COPS3: variants seen among roughly 807,000 people sequenced by gnomAD.
The protein encoded by COPS3 is COP9 signalosome complex subunit 3.
COPS3 carries 10 observed loss-of-function variants against 58.2 expected under a neutral mutation model. That is an observed-to-expected ratio of 0.17 (90% CI 0.11 to 0.29). The LOEUF is 0.29. Among genes scored for constraint, COPS3 ranks in the 10% least tolerant of loss-of-function variants. The probability of loss-of-function intolerance (pLI) is 1.00; values close to 1 mark genes in which losing one functional copy is unlikely to be tolerated. For synonymous variants in COPS3, 187 were observed against 181.7 expected (o/e 1.03, Z -0.24); for missense variants, 333 against 510.1 (o/e 0.65, Z 3.34).
chr17:17,275,252 G>A (rs1333447338), intron 2 of COPS3, among the ~76,000 whole-genome samples: 2 of 151,848 alleles, frequency 1.3e-5, no homozygotes, highest in East Asian at 1.9e-4. Context: ...CAACACACCC[G>A]GCTAGTTTTT....
intron 4 of COPS3, among the ~76,000 whole-genome samples, chr17:17,268,981 T>C (rs770834868): frequency 1.4e-4 from 21 of 152,172 alleles, no homozygotes; most frequent in Non-Finnish European, 7.3e-5. Flanking sequence ...CAACTGGTTC[T>C]ATTTTCAGCC....
intron 8 of COPS3, among the ~76,000 whole-genome samples, chr17:17,259,405 T>C (rs1204503649): frequency 1.3e-5 from 2 of 152,232 alleles, no homozygotes; most frequent in African/African-American, 4.8e-5. Flanking sequence ...GTTTGAACGT[T>C]TGACATTAAG....
chr17:17,265,773 C>T (rs1025660491), intron 5 of COPS3, among the ~76,000 whole-genome samples: 5 of 152,164 alleles, frequency 3.3e-5, no homozygotes, highest in African/African-American at 1.2e-4. Context: ...GAGAACTCTA[C>T]AGACAAGACT....
At chr17:17,278,076 G>A (rs540501509) in intron 1 of COPS3, among the ~76,000 whole-genome samples, 16 of 152,216 alleles carry the variant, frequency 1.1e-4, no homozygotes, top group African/African-American at 3.1e-4. Flanking sequence ...CCTTGAACCC[G>A]GGAGATGGAG....
chr17:17,276,278 T>C (rs914766358), intron 1 of COPS3, 114 bp from the exon 2 acceptor site: 1 of 1,362,652 alleles, frequency 7.3e-7, no homozygotes, highest in Non-Finnish European at 1.0e-6. Context: ...TGATTCTTAA[T>C]CTCCTTCACT....
chr17:17,250,207 C>G (rs144648599), intron 9 of COPS3, among the ~76,000 whole-genome samples: 20 of 151,518 alleles, frequency 1.3e-4, no homozygotes, highest in African/African-American at 4.6e-4. Flanking sequence ...TTTGAGGTGC[C>G]CTTGCATTTT....
Position 17,281,163 on chromosome 17 carries a change from G to A in COPS3, c.24C>T (p.Phe8=), listed in dbSNP as rs1182501931. MASALEQ[F]VNSVRQLSAQ... ...CTGAGAGCTGTCGGACACTGTTCAC[G>A]AACTGCTCCAGGGCAGACGCCATGT... Residue 8 remains phenylalanine, a synonymous_variant, in exon 1 of 12, where the codon TTC becomes TTT. Coordinates refer to ENST00000268717, the MANE Select transcript of COPS3 (RefSeq NM_003653.4). 3.1e-6 allele frequency: 5 copies of A among 1,611,596 alleles called. No homozygotes were observed. The highest frequency in any genetic ancestry group is 1.3e-5 in the African/African-American group (1 of 74,904).
At position 17,279,513 on chromosome 17, in the gene COPS3, A is replaced by G. The variant is rs576130008; in HGVS notation, c.55+1619T>C. 7.2e-5 allele frequency among the ~76,000 whole-genome samples: 11 copies of G among 152,306 alleles called. No individual in the cohort carries two copies. The South Asian group carries it at 2.1e-3, about 29-fold the overall frequency. On this transcript the variant is annotated intron_variant, in intron 1 of 11. Coordinates refer to ENST00000268717, the MANE Select transcript of COPS3 (RefSeq NM_003653.4). ...TGCCTTCCCTGTGAACCTCATTTCT[A>G]TTAATAAAAAGGAAAAAGAGGAAGA...
intron 1 of COPS3, chr17:17,280,902 G>T (rs1293131960): frequency 1.1e-6 from 1 of 944,074 alleles, no homozygotes; most frequent in African/African-American, 1.7e-5. Context: ...GGGGCTCCCG[G>T]CGGCCCGAGG....
chr17:17,261,722 T>A (rs566170784), intron 7 of COPS3: 1 of 468,340 alleles, frequency 2.1e-6, no homozygotes, highest in East Asian at 4.7e-5. Flanking sequence ...TCAACTGTTA[T>A]AGGAGCTTAA....
At position 17,249,955 on chromosome 17, in the gene COPS3, G is replaced by A. The variant is rs998810028; in HGVS notation, c.1024-916C>T. On this transcript the variant is annotated intron_variant, in intron 9 of 11. Coordinates refer to ENST00000268717, the MANE Select transcript of COPS3 (RefSeq NM_003653.4). Reference sequence around the variant, plus strand: ...CCTTTTTAAAGTGAGCAATTAATTGGCATTTAATGCATTCTACAATGTTGT... The same window carrying A: ...CCTTTTTAAAGTGAGCAATTAATTGACATTTAATGCATTCTACAATGTTGT... Among the ~76,000 whole-genome samples the A allele has an allele frequency of 3.9e-5, 6 of 152,166 alleles. No homozygotes were observed. The East Asian group carries it at 1.2e-3, about 29-fold the overall frequency.
intron 4 of COPS3, among the ~76,000 whole-genome samples, chr17:17,269,617 A>C (rs2048302527): frequency 6.6e-6 from 1 of 152,088 alleles, no homozygotes; most frequent in African/African-American, 2.4e-5. Context: ...TAACTAAATA[A>C]ATTTTTTAAA....
chr17:17,273,949 C>T (rs552033437), intron 2 of COPS3, among the ~76,000 whole-genome samples: 8 of 152,216 alleles, frequency 5.3e-5, no homozygotes, highest in South Asian at 2.1e-4. Context: ...CCTGGGAGGT[C>T]GAGGCTACAG....
intron 4 of COPS3, among the ~76,000 whole-genome samples, chr17:17,268,434 G>C (rs1212963068): frequency 6.6e-6 from 1 of 152,098 alleles, no homozygotes; most frequent in African/African-American, 2.4e-5. Flanking sequence ...TAACACCATA[G>C]ATTTCAAAAG....
chr17:17,247,688 T>A, intron 10 of COPS3, 128 bp from the exon 11 acceptor site: 1 of 845,906 alleles, frequency 1.2e-6, no homozygotes, highest in Non-Finnish European at 1.9e-6. Context: ...TGGGGCCACA[T>A]GGGTTTTGGA....
intron 5 of COPS3, among the ~76,000 whole-genome samples, chr17:17,265,401 C>CTT (rs34164209): frequency 2.4e-4 from 34 of 142,062 alleles, no homozygotes; most frequent in South Asian, 1.3e-3. Flanking sequence ...ACAGCATTAC[C>CTT]TTTTTTTTTT....
chr17:17,263,583 G>A (rs1358690706), intron 6 of COPS3, among the ~76,000 whole-genome samples: 1 of 141,278 alleles, frequency 7.1e-6, no homozygotes, highest in African/African-American at 2.6e-5. Flanking sequence ...GCACGATCTC[G>A]GCTCACTGCA....
chr17:17,263,763 C>T (rs1209633952), intron 6 of COPS3, among the ~76,000 whole-genome samples: 1 of 152,124 alleles, frequency 6.6e-6, no homozygotes, highest in East Asian at 1.9e-4. Flanking sequence ...ATCCGCCGGC[C>T]TCGGCCTCCC....
At chr17:17,250,532 C>T (rs1026380763) in intron 9 of COPS3, among the ~76,000 whole-genome samples, 6 of 152,158 alleles carry the variant, frequency 3.9e-5, no homozygotes, top group Non-Finnish European at 7.4e-5. Flanking sequence ...TGGAAACTAT[C>T]TTCCGATTCT....
Sources: allele counts gnomAD v4.1 joint callset (sites outside exome capture counted in the v4.1 genomes callset), GRCh38; gene constraint gnomAD v4.1.1; transcripts MANE v1.5; gene names NCBI Gene and HGNC (gene_info 2026-07-23, HGNC 2026-07-21).